The following ALDH9A1 variants were observed in gnomAD, a reference collection of about 807,000 sequenced individuals.
ALDH9A1 encodes 4-trimethylaminobutyraldehyde dehydrogenase.
A neutral mutation model predicts 56.6 loss-of-function variants in ALDH9A1; 42 were observed. The observed-to-expected ratio is 0.74, with a 90% confidence interval of 0.58 to 0.96. The LOEUF (loss-of-function observed/expected upper bound fraction) is 0.96, where lower values mean the gene tolerates loss of function less well. Ranked by LOEUF, ALDH9A1 falls within the 40% of genes least tolerant of loss-of-function variation. The pLI, the probability that ALDH9A1 is intolerant of heterozygous loss-of-function variation, is 0.00. For synonymous variants in ALDH9A1, 242 were observed against 236.0 expected (o/e 1.03, Z -0.23); for missense variants, 661 against 651.5 (o/e 1.01, Z -0.16).
chr1:165,682,326 C>A, intron 3 of ALDH9A1, 85 bp from the exon 4 acceptor site: 1 of 1,420,726 alleles, frequency 7.0e-7, no homozygotes, highest in African/African-American at 1.4e-5. Flanking sequence ...GACTTGTACT[C>A]CAGTCAACGC....
chr1:165,687,435 A>T (rs543159688), intron 2 of ALDH9A1, among the ~76,000 whole-genome samples: 154 of 152,278 alleles, frequency 1.0e-3, no homozygotes, highest in African/African-American at 3.6e-3. Flanking sequence ...AATTGCTTAA[A>T]ACCAGTGATA....
At chr1:165,667,189 A>G (rs1649033583) in intron 9 of ALDH9A1, 120 bp downstream of exon 9, 2 of 1,347,348 alleles carry the variant, frequency 1.5e-6, no homozygotes, top group Admixed American at 2.6e-5. Context: ...AAGCAAACAG[A>G]AAGTGCTGAT....
Position 165,669,313 on chromosome 1 carries a change from G to A in ALDH9A1, c.1068C>T (p.Asn356=). The stretch of plus-strand genomic sequence containing the variant: ...CAAGGACTCGCTCCAGGTGTGGTCG[G>A]TTGATGAGTGGACCCATCCTTGTAT... ...LEDTRMGPLI[N]RPHLERVLGF... The change falls in exon 7 of 11, where the codon AAC becomes AAT. Residue 356 remains asparagine (N), a synonymous_variant. Coordinates refer to ENST00000354775, the MANE Select transcript of ALDH9A1 (RefSeq NM_000696.4). The A allele has an allele frequency of 6.2e-7, 1 of 1,613,726 alleles. No homozygotes were observed. The highest frequency in any genetic ancestry group is 1.1e-5 in the South Asian group (1 of 90,980).
Position 165,682,087 on chromosome 1 carries a change from G to A in ALDH9A1, c.592+20C>T, listed in dbSNP as rs756263931. 1.2e-6 allele frequency: 2 copies of A among 1,613,272 alleles called. No individual in the cohort carries two copies. The highest frequency in any genetic ancestry group is 1.7e-6 in the Non-Finnish European group (2 of 1,179,522). ...AGAATGAACGAATGGCTCTCAAATGGAGGGATAATTCATTCTTACCACAGG... is the reference window on the plus strand; with the variant it reads ...AGAATGAACGAATGGCTCTCAAATGAAGGGATAATTCATTCTTACCACAGG... On this transcript the variant is annotated intron_variant, in intron 4 of 10. Transcript: ENST00000354775.
At chr1:165,691,934 G>A (rs936393875) in intron 2 of ALDH9A1, among the ~76,000 whole-genome samples, 1 of 152,114 alleles carries the variant, frequency 6.6e-6, no homozygotes, top group Non-Finnish European at 1.5e-5. Flanking sequence ...ATCAATAAAC[G>A]TAATCCATCA....
chr1:165,676,033 G>A (rs1050644545), intron 6 of ALDH9A1, among the ~76,000 whole-genome samples: 9 of 152,180 alleles, frequency 5.9e-5, no homozygotes, highest in Non-Finnish European at 1.2e-4. Flanking sequence ...TATGGAAAGG[G>A]AGAAGGCAGA....
At chr1:165,695,114 TA>T in intron 2 of ALDH9A1, 137 bp downstream of exon 2, 1 of 960,056 alleles carries the variant, frequency 1.0e-6, no homozygotes, top group Non-Finnish European at 1.5e-6. Flanking sequence ...TTTTATATAC[TA>T]AGGTGAGCAT....
intron 6 of ALDH9A1, among the ~76,000 whole-genome samples, chr1:165,678,263 G>A (rs999772836): frequency 2.0e-5 from 3 of 152,144 alleles, no homozygotes; most frequent in Non-Finnish European, 4.4e-5. Flanking sequence ...AAACCTGGGA[G>A]GCAGAGGATG....
intron 2 of ALDH9A1, among the ~76,000 whole-genome samples, chr1:165,690,792 G>T (rs4307543): frequency 0.37 from 55,587 of 152,034 alleles, 10,336 homozygotes; most frequent in East Asian, 0.59. Flanking sequence ...AACTGCGAAG[G>T]TGGCAGTGAA....
intron 1 of ALDH9A1, among the ~76,000 whole-genome samples, chr1:165,696,514 T>C (rs1355709862): frequency 6.6e-6 from 1 of 152,234 alleles, no homozygotes; most frequent in East Asian, 1.9e-4. Context: ...TTGATAAATA[T>C]AGTTAATAAG....
intron 9 of ALDH9A1, 165 bp from the exon 10 acceptor site, chr1:165,665,295 G>C (rs1004584563): frequency 5.0e-6 from 3 of 604,290 alleles, no homozygotes; most frequent in African/African-American, 3.7e-5. Flanking sequence ...GATATGGATT[G>C]GGTTTTATAG....
chr1:165,692,665 A>G (rs1292776119), intron 2 of ALDH9A1, among the ~76,000 whole-genome samples: 1 of 152,154 alleles, frequency 6.6e-6, no homozygotes, highest in East Asian at 1.9e-4. Flanking sequence ...ATTTAATGCC[A>G]TCCCCATCAA....
chr1:165,671,269 A>G (rs1649170210), intron 6 of ALDH9A1: 1 of 243,456 alleles, frequency 4.1e-6, no homozygotes, highest in South Asian at 4.7e-5. Context: ...GGTCACATGC[A>G]CGCTTCTGGG....
intron 6 of ALDH9A1, among the ~76,000 whole-genome samples, chr1:165,677,989 C>T (rs894794835): frequency 1.3e-5 from 2 of 151,930 alleles, no homozygotes; most frequent in African/African-American, 2.4e-5. Context: ...GAGCTGAGAT[C>T]GTGCCACTGC....
intron 2 of ALDH9A1, among the ~76,000 whole-genome samples, chr1:165,685,260 G>C (rs74118873): frequency 6.6e-6 from 1 of 152,104 alleles, no homozygotes. Context: ...TAGAAGCCAA[G>C]AGTAGGTCCC....
At position 165,680,629 on chromosome 1, in the gene ALDH9A1, A is replaced by C. The variant is rs1355102089; in HGVS notation, c.647T>G (p.Leu216Arg). ...ACCAGCCTCACTGTAGATTTCAGCC[A>C]GTAGCAATGCAGAAACAGGTGTAAA... ...SPFTPVSALL[L>R]AEIYSEAGVP... The change falls in exon 5 of 11, where the codon CTG becomes CGG. Residue 216 changes from leucine (L) to arginine (R), a missense_variant. Physicochemically the swap from Leu to Arg is moderately radical, Grantham distance 102. Transcript: ENST00000354775. 1 of 1,614,160 alleles carries C rather than the reference A, an allele frequency of 6.2e-7. No homozygotes were observed. Among genetic ancestry groups the C allele is most frequent in the Non-Finnish European group, 8.5e-7 (1 of 1,180,014 alleles).
chr1:165,687,918 G>A (rs1215895351), intron 2 of ALDH9A1, among the ~76,000 whole-genome samples: 1 of 151,924 alleles, frequency 6.6e-6, no homozygotes, highest in Non-Finnish European at 1.5e-5. Flanking sequence ...AACCCGGGAG[G>A]CGGAGGTTGC....
intron 8 of ALDH9A1, among the ~76,000 whole-genome samples, chr1:165,667,948 A>G (rs920281533): frequency 3.3e-5 from 5 of 152,194 alleles, no homozygotes; most frequent in African/African-American, 1.2e-4. Flanking sequence ...TGTAGGGGAT[A>G]CTAACATACA....
chr1:165,680,008 G>T (rs1019453591), intron 5 of ALDH9A1, among the ~76,000 whole-genome samples: 1 of 152,062 alleles, frequency 6.6e-6, no homozygotes, highest in African/African-American at 2.4e-5. Flanking sequence ...GTGAGACCCT[G>T]TCTCAAAAAA....
Sources: gnomAD v4.1 joint callset for allele counts (sites outside exome capture counted in the v4.1 genomes callset) on GRCh38, gnomAD v4.1.1 for gene constraint, MANE v1.5 for transcripts, NCBI Gene and HGNC (gene_info 2026-07-23, HGNC 2026-07-21) for gene names.